The following DCHS2 variants were observed in gnomAD, a reference collection of about 807,000 sequenced individuals.
The protein encoded by DCHS2 is protocadherin-23.
DCHS2 carries 142 observed loss-of-function variants against 182.4 expected under a neutral mutation model. That is an observed-to-expected ratio of 0.78 (90% CI 0.68 to 0.89). DCHS2 has a LOEUF of 0.89. DCHS2 is among the 40% of genes least tolerant of loss of function. The pLI is 0.00. For synonymous variants in DCHS2, 1,740 were observed against 1,663.3 expected (o/e 1.05, Z -1.12); for missense variants, 4,319 against 4,198.6 (o/e 1.03, Z -0.79).
chr4:154,490,430 G>T lies in DCHS2; in HGVS notation c.926C>A (p.Ala309Asp). The T allele has an allele frequency of 6.5e-7, 1 of 1,534,000 alleles. No individual in the cohort carries two copies. Among genetic ancestry groups the T allele is most frequent in the East Asian group, 2.5e-5 (1 of 40,628 alleles). ...GCGACAGACCTCGGCGCCCGGCTGGGCGTCCTCGCGCACCGCGGCGCGGTA... is the reference window on the plus strand; with the variant it reads ...GCGACAGACCTCGGCGCCCGGCTGGTCGTCCTCGCGCACCGCGGCGCGGTA... Reference protein sequence around the residue: ...DEYRAAVREDAQPGAEVCRVR... With the variant: ...DEYRAAVREDDQPGAEVCRVR... The change falls in exon 1 of 20, where the codon GCC (alanine) becomes GAC (aspartate). Residue 309 changes from alanine to aspartate, a missense_variant. Physicochemically the swap from Ala to Asp is moderately radical, Grantham distance 126 (BLOSUM62 -2). Transcript: ENST00000357232.
intron 1 of DCHS2, among the ~76,000 whole-genome samples, chr4:154,459,734 T>TC (rs1734928870): frequency 7.4e-6 from 1 of 135,262 alleles, no homozygotes; most frequent in African/African-American, 3.0e-5. Context: ...TATCTACACA[T>TC]TCTCTCTCTC....
chr4:154,318,552 A>C (rs1354463978), intron 9 of DCHS2, among the ~76,000 whole-genome samples: 1 of 152,126 alleles, frequency 6.6e-6, no homozygotes, highest in African/African-American at 2.4e-5. Flanking sequence ...ATTTCTATAC[A>C]CTAACAAGGA....
chr4:154,470,807 C>T (rs1417121026), intron 1 of DCHS2, among the ~76,000 whole-genome samples: 2 of 152,132 alleles, frequency 1.3e-5, no homozygotes, highest in African/African-American at 4.8e-5. Flanking sequence ...ACTAAGGATT[C>T]TGAAAAAGAT....
chr4:154,345,044 C>G (rs1436897104), intron 3 of DCHS2, among the ~76,000 whole-genome samples: 1 of 152,192 alleles, frequency 6.6e-6, no homozygotes, highest in Non-Finnish European at 1.5e-5. Context: ...CTCTCCTCCT[C>G]CTGTTGTCCA....
At chr4:154,261,571 C>G (rs749698410) in intron 14 of DCHS2, among the ~76,000 whole-genome samples, 2 of 152,082 alleles carry the variant, frequency 1.3e-5, no homozygotes, top group Non-Finnish European at 2.9e-5. Flanking sequence ...GTCCAAGAAG[C>G]TTTAGGTCAT....
intron 18 of DCHS2, 117 bp downstream of exon 18, chr4:154,240,420 C>A: frequency 8.1e-7 from 1 of 1,237,108 alleles, no homozygotes; most frequent in Non-Finnish European, 1.1e-6. Context: ...TTAACTTAGG[C>A]ACTACAAACA....
intron 1 of DCHS2, among the ~76,000 whole-genome samples, chr4:154,471,889 G>A (rs1405485268): frequency 6.6e-6 from 1 of 152,102 alleles, no homozygotes. Context: ...GTGATGCATA[G>A]TTAGGTCGGT....
chr4:154,373,899 T>C (rs1412968907), intron 2 of DCHS2: 4 of 1,589,158 alleles, frequency 2.5e-6, no homozygotes, highest in Non-Finnish European at 3.4e-6. Flanking sequence ...ACTCAGATTA[T>C]AGAAACATCA....
chr4:154,490,881 C>G lies in DCHS2; in HGVS notation c.475G>C (p.Asp159His), dbSNP rs759914062. Residue 159 changes from aspartate to histidine, a missense_variant, in exon 1 of 20, where the codon GAC (aspartate) becomes CAC (histidine). Physicochemically the swap from Asp to His is moderately conservative, Grantham distance 81 (BLOSUM62 -1). Transcript: ENST00000357232. ...AAGCGGGGCGAGTGGTCATTCACGT[C>G]GTTGACGCGAATCTCCACCTGCACC... ...AVVQVEIRVN[D>H]VNDHSPRFPL... The G allele has an allele frequency of 2.1e-5, 32 of 1,551,332 alleles. No individual in the cohort carries two copies. In the Admixed American group the frequency reaches 2.2e-4, roughly 10 times the overall value.
intron 1 of DCHS2, chr4:154,391,025 C>A: frequency 1.5e-6 from 1 of 673,482 alleles, no homozygotes; most frequent in Non-Finnish European, 2.4e-6. Flanking sequence ...TGAGAGGATC[C>A]TAGCTAAGTA....
At chr4:154,346,824 C>T (rs17031469) in intron 3 of DCHS2, among the ~76,000 whole-genome samples, 2,954 of 151,950 alleles carry the variant, frequency 0.019, 159 homozygotes, top group African/African-American at 0.067. Flanking sequence ...ATTTTAAACC[C>T]ATACTCCCCC....
rs1408259797 is a variant in DCHS2 at position 154,297,926 on chromosome 4, T to C, written c.6388A>G (p.Met2130Val). The C allele has an allele frequency of 2.5e-6, 4 of 1,614,142 alleles. No individual in the cohort carries two copies. The highest frequency in any genetic ancestry group is 3.4e-6 in the Non-Finnish European group (4 of 1,180,002). The change falls in exon 13 of 20, where the codon ATG becomes GTG. Residue 2130 changes from methionine to valine, a missense_variant. By Grantham distance (21) the Met-to-Val change is conservative. Coordinates refer to ENST00000357232, the MANE Select transcript of DCHS2 (RefSeq NM_001358235.2). ...GAAATCTTTACATCTTCTCCTTCCATGTGAATGACCAAGAGACCCGTGGTT... is the reference window on the plus strand; with the variant it reads ...GAAATCTTTACATCTTCTCCTTCCACGTGAATGACCAAGAGACCCGTGGTT... The part of the protein sequence containing the change: ...RTTTGLLVIH[M>V]EGEDVKISFS...
chr4:154,247,634 TCAAAAAAAAAAAAAAAAAA>T (rs1560981615), intron 16 of DCHS2, among the ~76,000 whole-genome samples: 1 of 37,782 alleles, frequency 2.6e-5, no homozygotes, highest in Non-Finnish European at 4.3e-5. Flanking sequence ...AGACTCCGTC[TCAAAAAAAAAAAAAAAAAA>T]AAAAAAAAAA....
At chr4:154,391,250 C>G in intron 1 of DCHS2, 1 of 1,612,084 alleles carries the variant, frequency 6.2e-7, no homozygotes, top group South Asian at 1.1e-5. Flanking sequence ...TAAACATCTT[C>G]TTTTCTCCGT....
chr4:154,274,439 A>T (rs1157876432), intron 13 of DCHS2, among the ~76,000 whole-genome samples: 1 of 152,164 alleles, frequency 6.6e-6, no homozygotes, highest in Non-Finnish European at 1.5e-5. Flanking sequence ...AAGGACTTGT[A>T]CTGAACATAG....
At chr4:154,485,484 C>T (rs559288290) in intron 1 of DCHS2, among the ~76,000 whole-genome samples, 20 of 152,274 alleles carry the variant, frequency 1.3e-4, no homozygotes, top group African/African-American at 4.8e-4. Context: ...GAGTCAGGCA[C>T]ATGTCATTCA....
chr4:154,252,644 C>CT (rs1732434434), intron 16 of DCHS2, among the ~76,000 whole-genome samples: 2 of 151,488 alleles, frequency 1.3e-5, no homozygotes, highest in Admixed American at 6.6e-5. Context: ...TGCAAATGAC[C>CT]GGATCTCATT....
At chr4:154,273,149 G>A (rs1194978840) in intron 13 of DCHS2, among the ~76,000 whole-genome samples, 1 of 152,212 alleles carries the variant, frequency 6.6e-6, no homozygotes, top group East Asian at 1.9e-4. Context: ...CTGTGTATGC[G>A]TGTTTAGGGC....
At chr4:154,407,536 A>T (rs1732452796) in intron 1 of DCHS2, among the ~76,000 whole-genome samples, 1 of 152,124 alleles carries the variant, frequency 6.6e-6, no homozygotes. Flanking sequence ...CTTTTTTCTA[A>T]ATCCCAGGAC....
Sources: allele counts gnomAD v4.1 joint callset (sites outside exome capture counted in the v4.1 genomes callset), GRCh38; gene constraint gnomAD v4.1.1; transcripts MANE v1.5; gene names NCBI Gene and HGNC (gene_info 2026-07-23, HGNC 2026-07-21).